Variants in CSMD3 observed in about 807,000 individuals in gnomAD.
CSMD3 encodes CUB and sushi domain-containing protein 3.
CSMD3 carries 177 observed loss-of-function variants against 435.2 expected under a neutral mutation model. The observed-to-expected ratio is 0.41, with a 90% CI of 0.36 to 0.46. The LOEUF (loss-of-function observed/expected upper bound fraction) is 0.46. Among genes scored for constraint, CSMD3 ranks in the 20% least tolerant of loss-of-function variants. CSMD3 has a pLI of 0.34. For synonymous variants in CSMD3, 1,656 were observed against 1,520.5 expected, an observed-to-expected ratio of 1.09 and a Z score of -2.07; for missense variants, 4,265 against 4,504.6, an observed-to-expected ratio of 0.95 and a Z score of 1.52.
intron 5 of CSMD3, chr8:113,098,499 G>A: frequency 2.2e-6 from 1 of 456,768 alleles, no homozygotes; most frequent in Non-Finnish European, 4.0e-6. Flanking sequence ...AGTTTGGACT[G>A]GCATGCTAAA....
At chr8:112,337,346 A>G (rs1363104719) in intron 43 of CSMD3, among the ~76,000 whole-genome samples, 197 bp downstream of exon 43, 4 of 152,148 alleles carry the variant, frequency 2.6e-5, no homozygotes, top group Admixed American at 6.6e-5. Context: ...TTCACTCCCA[A>G]TAGGAAAGGT....
At chr8:112,569,890 G>A (rs189265818) in intron 24 of CSMD3, among the ~76,000 whole-genome samples, 13 of 152,044 alleles carry the variant, frequency 8.6e-5, no homozygotes, top group African/African-American at 3.1e-4. Context: ...CCTCCTTTAT[G>A]AAGTCTTACC....
At chr8:113,229,460 T>G (rs2132176979) in intron 3 of CSMD3, among the ~76,000 whole-genome samples, 1 of 151,540 alleles carries the variant, frequency 6.6e-6, no homozygotes, top group African/African-American at 2.4e-5. Context: ...TTTAAAAAAC[T>G]TAAGTCTCTT....
At chr8:112,732,263 CTT>C (rs1313732581) in intron 13 of CSMD3, among the ~76,000 whole-genome samples, 1 of 152,084 alleles carries the variant, frequency 6.6e-6, no homozygotes, top group Admixed American at 6.6e-5. Flanking sequence ...CATAAACTAA[CTT>C]AACACAGAGA....
intron 2 of CSMD3, among the ~76,000 whole-genome samples, chr8:113,309,009 T>G (rs1052746305): frequency 6.6e-6 from 1 of 152,096 alleles, no homozygotes; most frequent in Non-Finnish European, 1.5e-5. Flanking sequence ...AGTGCAGTGG[T>G]GCAGTCTCTG....
chr8:112,532,565 G>A (rs1825643649), intron 27 of CSMD3, among the ~76,000 whole-genome samples: 1 of 151,848 alleles, frequency 6.6e-6, no homozygotes, highest in Admixed American at 6.6e-5. Flanking sequence ...AAGTGCTAAA[G>A]GCAAAAAAAT....
chr8:112,354,248 T>A (rs1826390362), intron 38 of CSMD3, among the ~76,000 whole-genome samples: 1 of 152,032 alleles, frequency 6.6e-6, no homozygotes, highest in Admixed American at 6.6e-5. Context: ...TAATACTGAG[T>A]GGGCAAAAGC....
At chr8:112,517,613 G>A (rs1259770349) in intron 27 of CSMD3, among the ~76,000 whole-genome samples, 1 of 151,868 alleles carries the variant, frequency 6.6e-6, no homozygotes, top group Non-Finnish European at 1.5e-5. Context: ...TACAAAATGA[G>A]CAAAGACATT....
intron 13 of CSMD3, among the ~76,000 whole-genome samples, chr8:112,773,024 T>C (rs1267584135): frequency 1.3e-5 from 2 of 151,916 alleles, no homozygotes; most frequent in East Asian, 1.9e-4. Flanking sequence ...ACATGCTGAG[T>C]CCCAGTCCCC....
At chr8:112,396,046 C>G (rs550078625) in intron 35 of CSMD3, among the ~76,000 whole-genome samples, 2 of 152,178 alleles carry the variant, frequency 1.3e-5, no homozygotes, top group Non-Finnish European at 2.9e-5. Context: ...AAGCACAACT[C>G]ACATATCATG....
At chr8:113,421,729 C>G (rs145520909) in intron 1 of CSMD3, among the ~76,000 whole-genome samples, 1 of 152,176 alleles carries the variant, frequency 6.6e-6, no homozygotes. Flanking sequence ...CAAGGAAGGA[C>G]TTTTTCTGGA....
intron 2 of CSMD3, among the ~76,000 whole-genome samples, chr8:113,293,444 C>A (rs1227166894): frequency 6.6e-6 from 1 of 151,962 alleles, no homozygotes; most frequent in South Asian, 2.1e-4. Flanking sequence ...GCTTTGGTGG[C>A]AGCAGCCCTC....
intron 22 of CSMD3, among the ~76,000 whole-genome samples, chr8:112,599,140 C>G (rs1364706301): frequency 7.1e-6 from 1 of 141,266 alleles, no homozygotes; most frequent in East Asian, 2.1e-4. Context: ...GGCTAATATC[C>G]AGAATCTACA....
rs779082536 is a variant in CSMD3, at chr8:112,685,500, C to T, written c.2388G>A (p.Val796=). The change falls in exon 15 of 71, where the codon GTG becomes GTA. Residue 796 remains valine, a synonymous_variant. Transcript: ENST00000297405. ...PILGTFTGAE[V]PSHLTSNSHI... is the part of the protein sequence containing the mutation. ...GACTATTACTAGTAAGATGGGAAGG[C>T]ACCTCAGCCCCAGTAAAGGTTCCAA... 1.9e-6 allele frequency: 3 copies of T among 1,613,964 alleles called. No individual in the cohort carries two copies. Among genetic ancestry groups the T allele is most frequent in the Non-Finnish European group, 2.5e-6 (3 of 1,179,920 alleles).
chr8:112,276,154 C>T (rs1818017238), intron 59 of CSMD3, among the ~76,000 whole-genome samples: 1 of 152,154 alleles, frequency 6.6e-6, no homozygotes, highest in African/African-American at 2.4e-5. Flanking sequence ...GTCCAAAATC[C>T]AGCAAGGCAG....
At chr8:112,734,238 A>G (rs1460460956) in intron 13 of CSMD3, among the ~76,000 whole-genome samples, 1 of 151,548 alleles carries the variant, frequency 6.6e-6, no homozygotes, top group Non-Finnish European at 1.5e-5. Flanking sequence ...GAGAAAGAAG[A>G]GGAGGAAGGA....
intron 1 of CSMD3, among the ~76,000 whole-genome samples, chr8:113,391,245 G>T (rs956578649): frequency 6.6e-6 from 1 of 151,942 alleles, no homozygotes; most frequent in Non-Finnish European, 1.5e-5. Context: ...CTAGATGGAG[G>T]AACTAAGAAT....
At chr8:112,660,657 C>A (rs555438682) in intron 17 of CSMD3, among the ~76,000 whole-genome samples, 2 of 151,836 alleles carry the variant, frequency 1.3e-5, no homozygotes, top group Non-Finnish European at 2.9e-5. Context: ...CTAAAAGGAG[C>A]GTTTATTTCA....
intron 1 of CSMD3, among the ~76,000 whole-genome samples, chr8:113,431,903 C>T (rs1376760244): frequency 2.0e-5 from 3 of 152,004 alleles, no homozygotes; most frequent in Non-Finnish European, 4.4e-5. Flanking sequence ...GGAAAAGACG[C>T]GTATACTCCA....
Sources: allele counts gnomAD v4.1 joint callset (sites outside exome capture counted in the v4.1 genomes callset), GRCh38; gene constraint gnomAD v4.1.1; transcripts MANE v1.5; gene names NCBI Gene and HGNC (gene_info 2026-07-23, HGNC 2026-07-21).